The following PRKN variants were observed in gnomAD, a reference collection of about 807,000 sequenced individuals.
PRKN encodes the protein E3 ubiquitin-protein ligase parkin.
PRKN carries 56 observed loss-of-function variants against 59.5 expected under a neutral mutation model. That is an observed-to-expected ratio of 0.94 (90% CI 0.76 to 1.18). The LOEUF (loss-of-function observed/expected upper bound fraction) is 1.18, where lower values mean the gene tolerates loss of function less well. Among genes scored for constraint, PRKN ranks in the 50% most tolerant of loss-of-function variants. The probability of loss-of-function intolerance (pLI) is 0.00; values close to 1 mark genes in which losing one functional copy is unlikely to be tolerated. For synonymous variants in PRKN, 250 were observed against 222.1 expected (o/e 1.13, Z -1.12); for missense variants, 657 against 596.4 (o/e 1.10, Z -1.06).
At chr6:162,363,139 A>C (rs1051398854) in intron 2 of PRKN, among the ~76,000 whole-genome samples, 15 of 143,790 alleles carry the variant, frequency 1.0e-4, no homozygotes, top group Admixed American at 5.0e-4. Context: ...AACAAAAAAA[A>C]AAAAAAAAAA....
intron 9 of PRKN, among the ~76,000 whole-genome samples, chr6:161,478,270 T>C (rs781585706): frequency 2.0e-5 from 3 of 152,178 alleles, no homozygotes; most frequent in Non-Finnish European, 2.9e-5. Context: ...CCACTTCTCA[T>C]GCTATAGTTC....
chr6:161,571,701 A>G (rs1337357383), intron 7 of PRKN, among the ~76,000 whole-genome samples: 2 of 152,120 alleles, frequency 1.3e-5, no homozygotes, highest in African/African-American at 4.8e-5. Context: ...TGATTGGGCT[A>G]AGGGGTGCCC....
intron 6 of PRKN, among the ~76,000 whole-genome samples, chr6:161,962,745 C>T (rs183733375): frequency 1.3e-5 from 2 of 152,036 alleles, no homozygotes; most frequent in Admixed American, 1.3e-4. Flanking sequence ...CCATGTTTGT[C>T]AGGCTGGTCT....
intron 2 of PRKN, among the ~76,000 whole-genome samples, chr6:162,326,132 A>T (rs537682293): frequency 4.6e-5 from 7 of 152,198 alleles, no homozygotes; most frequent in Non-Finnish European, 1.0e-4. Context: ...GAAGCTTAGA[A>T]GCAAAAGGAA....
In PRKN at chr6:161,369,895, A is replaced by T. The variant is rs1785371172; in HGVS notation, c.1168-9690T>A. On this transcript the variant is annotated intron_variant, in intron 10 of 11. Transcript: ENST00000366898. The surrounding 1 kb of genome is among the most constrained non-coding windows in gnomAD (Gnocchi z 5.8). ...CAGAAAGGTAAAGGCATGATCGTCC[A>T]TCTGTGGCTCAAGAGGAATAACCTC... 2.8e-6 allele frequency: 1 copy of T among 360,494 alleles called. No homozygotes were observed. Among genetic ancestry groups the T allele is most frequent in the Non-Finnish European group, 6.2e-6 (1 of 161,138 alleles). The allele number at this position is 360,494 out of a possible 1,614,324, so 22.3% of individuals were successfully genotyped here.
Position 161,376,609 on chromosome 6 carries a change from G to C in PRKN, c.1167+10185C>G, listed in dbSNP as rs749845335. Among the ~76,000 whole-genome samples, 2 of 152,120 alleles carry C rather than the reference G, an allele frequency of 1.3e-5. No individual in the cohort carries two copies. Among genetic ancestry groups the C allele is most frequent in the African/African-American group, 4.8e-5 (2 of 41,422 alleles). ...TAGGGGGTGCTCTGCTCTGCTCCCA[G>C]TCCCACCACCTTGGGACTGAGGTCA... On this transcript the variant is annotated intron_variant, in intron 10 of 11. Transcript: ENST00000366898. This position sits in a 1 kb window ranked among gnomAD's most constrained non-coding sequence, Gnocchi z 7.3.
In PRKN at chr6:161,459,324, G is replaced by A. The variant is rs1447866032; in HGVS notation, c.1084-72447C>T. ...TAAGAATGAGAACATTCTCAGAAAT[G>A]CCCTTGAAGTGACTATTAATTCCAG... On this transcript the variant is annotated intron_variant, in intron 9 of 11. Transcript: ENST00000366898. This position sits in a 1 kb window ranked among gnomAD's most constrained non-coding sequence, Gnocchi z 4.8. Among the ~76,000 whole-genome samples, 1 of 152,210 alleles carries A rather than the reference G, an allele frequency of 6.6e-6. No individual in the cohort carries two copies. Among genetic ancestry groups the A allele is most frequent in the Non-Finnish European group, 1.5e-5 (1 of 68,036 alleles).
rs1485311352 is a variant in PRKN at position 161,544,582 on chromosome 6, CAAG to C, written c.1083+4269_1083+4271del. Among the ~76,000 whole-genome samples the C allele has an allele frequency of 1.3e-5, 2 of 151,792 alleles. No individual in the cohort carries two copies. The highest frequency in any genetic ancestry group is 4.8e-5 in the African/African-American group (2 of 41,284). On this transcript the variant is annotated intron_variant, in intron 9 of 11. Coordinates refer to ENST00000366898, the MANE Select transcript of PRKN (RefSeq NM_004562.3). The surrounding 1 kb of genome is among the most constrained non-coding windows in gnomAD (Gnocchi z 5.5). The stretch of plus-strand genomic sequence containing the variant: ...GTTAAACACCAAATACATGATTCAC[CAAG>C]AAGAATGAAAAGGCTTAGGACAGGA...
intron 3 of PRKN, among the ~76,000 whole-genome samples, chr6:162,233,862 T>TG (rs1340050539): frequency 6.6e-6 from 1 of 152,180 alleles, no homozygotes; most frequent in Admixed American, 6.5e-5. Flanking sequence ...CCTCTAACCA[T>TG]GTGAGGCAGC....
At chr6:161,856,448 T>A (rs1793657381) in intron 6 of PRKN, among the ~76,000 whole-genome samples, 1 of 152,144 alleles carries the variant, frequency 6.6e-6, no homozygotes, top group African/African-American at 2.4e-5. Flanking sequence ...GGCGCTGATA[T>A]ATGCTTTCTG....
At chr6:161,605,358 G>GAC (rs901478349) in intron 7 of PRKN, among the ~76,000 whole-genome samples, 1 of 152,016 alleles carries the variant, frequency 6.6e-6, no homozygotes, top group African/African-American at 2.4e-5. Context: ...TGTGCACACA[G>GAC]ACACATATAC....
intron 6 of PRKN, among the ~76,000 whole-genome samples, chr6:161,931,831 T>G (rs1779180011): frequency 1.3e-5 from 2 of 152,212 alleles, no homozygotes; most frequent in Non-Finnish European, 2.9e-5. Context: ...GTTATCAAAA[T>G]ATATTATGAT....
intron 1 of PRKN, among the ~76,000 whole-genome samples, chr6:162,488,059 G>T (rs889935420): frequency 9.1e-5 from 13 of 143,480 alleles, no homozygotes; most frequent in African/African-American, 3.3e-4. Context: ...TTTTGGCGGA[G>T]GGTTAAACAC....
chr6:162,351,226 A>G (rs1562693470), intron 2 of PRKN, among the ~76,000 whole-genome samples: 1 of 152,120 alleles, frequency 6.6e-6, no homozygotes, highest in Non-Finnish European at 1.5e-5. Flanking sequence ...AACCCAATAA[A>G]AAGTGGAAAA....
At chr6:161,772,542 A>T (rs1361381152) in intron 7 of PRKN, among the ~76,000 whole-genome samples, 2 of 152,194 alleles carry the variant, frequency 1.3e-5, no homozygotes, top group Admixed American at 1.3e-4. Flanking sequence ...CGTTGGATAC[A>T]ACACTGACAG....
chr6:162,715,786 T>C (rs1778697746), intron 1 of PRKN, among the ~76,000 whole-genome samples: 1 of 152,162 alleles, frequency 6.6e-6, no homozygotes, highest in African/African-American at 2.4e-5. Context: ...CTGTACTCCA[T>C]CCCGTCAACT....
At chr6:162,303,680 C>A (rs1162093734) in intron 2 of PRKN, among the ~76,000 whole-genome samples, 2 of 152,156 alleles carry the variant, frequency 1.3e-5, no homozygotes, top group Non-Finnish European at 2.9e-5. Context: ...TTCATCTCTA[C>A]TTTACAAAAG....
intron 9 of PRKN, among the ~76,000 whole-genome samples, chr6:161,528,029 G>T (rs1161311044): frequency 1.3e-5 from 2 of 152,138 alleles, no homozygotes; most frequent in African/African-American, 4.8e-5. Context: ...AGACAGAAAA[G>T]ATAGAAATCT....
intron 7 of PRKN, among the ~76,000 whole-genome samples, chr6:161,670,087 T>C (rs921481135): frequency 1.1e-4 from 17 of 152,230 alleles, no homozygotes; most frequent in African/African-American, 4.1e-4. Context: ...TTTCACAATT[T>C]TGACCTCATA....
Sources: allele counts gnomAD v4.1 joint callset (sites outside exome capture counted in the v4.1 genomes callset), GRCh38; gene constraint gnomAD v4.1.1; non-coding constraint Gnocchi (gnomAD v3.1); transcripts MANE v1.5; gene names NCBI Gene and HGNC (gene_info 2026-07-23, HGNC 2026-07-21).